B4GALNT3: variants seen among roughly 807,000 people sequenced by gnomAD.
B4GALNT3 encodes the protein beta-1,4-N-acetylgalactosaminyltransferase 3.
In B4GALNT3, 86 loss-of-function variants were observed where a neutral mutation model predicts 120.2. The ratio of observed to expected loss-of-function variants is 0.72; its 90% CI spans 0.60 to 0.86. The LOEUF is 0.86. B4GALNT3 is among the 40% of genes least tolerant of loss of function. The pLI, the probability that B4GALNT3 is intolerant of heterozygous loss-of-function variation, is 0.00. For missense variants in B4GALNT3, 1,167 were observed against 1,298.9 expected (o/e 0.90, Z 1.56); for synonymous variants, 518 against 510.4 (o/e 1.01, Z -0.20).
At chr12:547,508 G>A (rs987087909) in intron 7 of B4GALNT3, among the ~76,000 whole-genome samples, 2 of 152,056 alleles carry the variant, frequency 1.3e-5, no homozygotes, top group Admixed American at 1.3e-4. Context: ...AAATTTTAAG[G>A]AGACAATCTT....
chr12:537,399 G>A (rs1429135277), intron 3 of B4GALNT3, among the ~76,000 whole-genome samples: 5 of 152,136 alleles, frequency 3.3e-5, no homozygotes, highest in Non-Finnish European at 2.9e-5. Flanking sequence ...CTACAGGGAT[G>A]TACCACCGTT....
chr12:520,409 T>C (rs1946696044), intron 1 of B4GALNT3, among the ~76,000 whole-genome samples: 2 of 152,226 alleles, frequency 1.3e-5, no homozygotes, highest in African/African-American at 2.4e-5. Flanking sequence ...TCTATTGCCA[T>C]AGCCAGACCA....
intron 1 of B4GALNT3, among the ~76,000 whole-genome samples, chr12:507,874 TGGTGGACACCTGCCCCTG>T (rs1422000386): frequency 6.6e-6 from 1 of 151,590 alleles, no homozygotes; most frequent in Non-Finnish European, 1.5e-5. Context: ...AGTAGTACCT[TGGTGGACACCTGCCCCTG>T]GAAATCCAGT....
At chr12:534,920 G>C (rs1233158320) in intron 1 of B4GALNT3, among the ~76,000 whole-genome samples, 1 of 152,220 alleles carries the variant, frequency 6.6e-6, no homozygotes, top group Non-Finnish European at 1.5e-5. Context: ...ACCTGGACTG[G>C]CTCCTTCTCT....
chr12:482,975 A>G (rs1221049326), intron 1 of B4GALNT3, among the ~76,000 whole-genome samples: 1 of 152,064 alleles, frequency 6.6e-6, no homozygotes, highest in Non-Finnish European at 1.5e-5. Context: ...TGGCATGATC[A>G]TGGCTCACTG....
chr12:531,296 C>T (rs1946805267), intron 1 of B4GALNT3, among the ~76,000 whole-genome samples: 1 of 151,902 alleles, frequency 6.6e-6, no homozygotes, highest in South Asian at 2.1e-4. Flanking sequence ...GGGGTGTTAC[C>T]TATTGCCATA....
At chr12:559,696 A>G in intron 19 of B4GALNT3, among the ~76,000 whole-genome samples, 1 of 152,070 alleles carries the variant, frequency 6.6e-6, no homozygotes, top group Non-Finnish European at 1.5e-5. Flanking sequence ...CAAGCTGTGT[A>G]GACATAAACC....
intron 1 of B4GALNT3, among the ~76,000 whole-genome samples, chr12:469,008 G>A (rs562035568): frequency 1.3e-5 from 2 of 152,340 alleles, no homozygotes; most frequent in South Asian, 2.1e-4. Context: ...TGAACGTTGT[G>A]TATTCTGCAG....
At chr12:488,530 C>T (rs1946311952) in intron 1 of B4GALNT3, among the ~76,000 whole-genome samples, 1 of 152,108 alleles carries the variant, frequency 6.6e-6, no homozygotes, top group East Asian at 1.9e-4. Context: ...GATGAATAGG[C>T]AGAATTAGGA....
chr12:474,879 G>A (rs1385731723), intron 1 of B4GALNT3, among the ~76,000 whole-genome samples: 1 of 128,834 alleles, frequency 7.8e-6, no homozygotes, highest in East Asian at 2.5e-4. Flanking sequence ...AGCCTGGGAG[G>A]CAGAGGTTGC....
chr12:461,733 G>C (rs1273956131), intron 1 of B4GALNT3, among the ~76,000 whole-genome samples: 1 of 152,216 alleles, frequency 6.6e-6, no homozygotes, highest in African/African-American at 2.4e-5. Context: ...TGGCCAAAGA[G>C]AGAGAATTAC....
intron 18 of B4GALNT3, among the ~76,000 whole-genome samples, chr12:559,079 G>C (rs1439115696): frequency 2.6e-5 from 4 of 152,062 alleles, no homozygotes; most frequent in Non-Finnish European, 5.9e-5. Flanking sequence ...ATCAGCCCAT[G>C]GGCACAGCCT....
At chr12:546,229 G>GGGAGGGGGGGGT (rs1947006241) in intron 6 of B4GALNT3, among the ~76,000 whole-genome samples, 1 of 117,440 alleles carries the variant, frequency 8.5e-6, no homozygotes, top group African/African-American at 3.1e-5. Context: ...TGTGGGAGGA[G>GGGAGGGGGGGGT]GGGAGTGGGG....
At chr12:502,979 G>A (rs1258583557) in intron 1 of B4GALNT3, among the ~76,000 whole-genome samples, 4 of 151,834 alleles carry the variant, frequency 2.6e-5, no homozygotes, top group African/African-American at 7.3e-5. Flanking sequence ...GGCTGGTCTC[G>A]AACTCCAAGG....
chr12:544,797 C>A, intron 4 of B4GALNT3, 85 bp from the exon 5 acceptor site: 1 of 1,345,418 alleles, frequency 7.4e-7, no homozygotes, highest in Non-Finnish European at 1.1e-6. Context: ...TGTCATAGTC[C>A]CCTCCTGGTC....
chr12:514,764 T>C (rs1946635935), intron 1 of B4GALNT3, among the ~76,000 whole-genome samples: 1 of 151,836 alleles, frequency 6.6e-6, no homozygotes, highest in Admixed American at 6.6e-5. Context: ...CGTGGTGGCT[T>C]ACACCTGTAA....
chr12:526,842 C>A (rs1349256417), intron 1 of B4GALNT3, among the ~76,000 whole-genome samples: 1 of 152,168 alleles, frequency 6.6e-6, no homozygotes, highest in African/African-American at 2.4e-5. Flanking sequence ...CCCAGAGCAG[C>A]GACAGCAGAA....
chr12:504,085 A>G (rs1180228668), intron 1 of B4GALNT3, among the ~76,000 whole-genome samples: 1 of 151,618 alleles, frequency 6.6e-6, no homozygotes, highest in African/African-American at 2.4e-5. Context: ...AAGGCACTCC[A>G]GCCTGGGAGA....
intron 1 of B4GALNT3, among the ~76,000 whole-genome samples, chr12:507,100 G>A (rs1307136347): frequency 3.9e-5 from 6 of 152,198 alleles, no homozygotes; most frequent in African/African-American, 9.6e-5. Context: ...AACCAATATC[G>A]GATGTTATTA....
Sources: gnomAD v4.1 joint callset for allele counts (sites outside exome capture counted in the v4.1 genomes callset) on GRCh38, gnomAD v4.1.1 for gene constraint, MANE v1.5 for transcripts, NCBI Gene and HGNC (gene_info 2026-07-23, HGNC 2026-07-21) for gene names.